The following RNF214 variants were observed in gnomAD, a reference collection of about 807,000 sequenced individuals.
The protein encoded by RNF214 is ring finger protein 214.
RNF214 carries 25 observed loss-of-function variants against 75.9 expected under a neutral mutation model. That is an observed-to-expected ratio of 0.33 (90% CI 0.24 to 0.46). The LOEUF is 0.46. Among genes scored for constraint, RNF214 ranks in the 20% least tolerant of loss-of-function variants. RNF214 has a pLI of 1.00. For missense variants in RNF214, 725 were observed against 857.5 expected, an observed-to-expected ratio of 0.85 and a Z score of 1.93; for synonymous variants, 314 against 308.8, an observed-to-expected ratio of 1.02 and a Z score of -0.18.
chr11:117,241,017 A>G (rs1342291417), intron 4 of RNF214, among the ~76,000 whole-genome samples: 2 of 151,724 alleles, frequency 1.3e-5, no homozygotes, highest in Non-Finnish European at 2.9e-5. Flanking sequence ...CATCTCTACT[A>G]AAAATACAAA....
At chr11:117,277,576 T>G (rs2034038652) in intron 6 of RNF214, among the ~76,000 whole-genome samples, 1 of 152,192 alleles carries the variant, frequency 6.6e-6, no homozygotes, top group Non-Finnish European at 1.5e-5. Flanking sequence ...CAAGAATATG[T>G]GAGAGGAAAG....
intron 6 of RNF214, among the ~76,000 whole-genome samples, chr11:117,252,682 A>G (rs1231656812): frequency 2.6e-5 from 4 of 151,738 alleles, no homozygotes; most frequent in Non-Finnish European, 4.4e-5. Flanking sequence ...CACCACGCCC[A>G]GCTCATTTTT....
At position 117,239,814 on chromosome 11, in the gene RNF214, C is replaced by T; in HGVS notation, c.632C>T (p.Thr211Ile). The T allele has an allele frequency of 6.4e-7, 1 of 1,561,286 alleles. No homozygotes were observed. Among genetic ancestry groups the T allele is most frequent in the Non-Finnish European group, 8.8e-7 (1 of 1,132,180 alleles). ...QNIAVQTDFK[T>I]ADSEVNTDQD... ...TTTCCTTTATAGACTGACTTTAAGACAGCTGATTCAGAGGTAAACACAGAT... is the reference window on the plus strand; with the variant it reads ...TTTCCTTTATAGACTGACTTTAAGATAGCTGATTCAGAGGTAAACACAGAT... The change falls in exon 4 of 15, where the codon ACA becomes ATA. Residue 211 changes from threonine to isoleucine, a missense_variant. Physicochemically the swap from Thr to Ile is moderately conservative, Grantham distance 89. This residue lies in a region of RNF214 where 362 missense variants were observed against 344.5 expected (regional missense o/e 1.05). Transcript: ENST00000300650.
intron 5 of RNF214, among the ~76,000 whole-genome samples, chr11:117,245,485 G>A (rs774392034): frequency 4.0e-5 from 6 of 150,768 alleles, no homozygotes; most frequent in Non-Finnish European, 4.4e-5. Flanking sequence ...GACTACAGGC[G>A]CCCGCCACTA....
intron 2 of RNF214, among the ~76,000 whole-genome samples, chr11:117,234,722 A>G (rs992384540): frequency 5.9e-5 from 9 of 152,242 alleles, no homozygotes; most frequent in African/African-American, 2.2e-4. Context: ...GTACATGGAT[A>G]TCTAAATATG....
chr11:117,232,945 G>A (rs1252829847), intron 1 of RNF214, among the ~76,000 whole-genome samples: 1 of 150,486 alleles, frequency 6.6e-6, no homozygotes, highest in Non-Finnish European at 1.5e-5. Context: ...GGGGTGGAGG[G>A]GGGTCTGGTC....
intron 6 of RNF214, among the ~76,000 whole-genome samples, chr11:117,251,314 C>A (rs1446324650): frequency 8.8e-6 from 1 of 113,624 alleles, no homozygotes; most frequent in Non-Finnish European, 1.8e-5. Context: ...TCCTCACTTC[C>A]CAGTAGGGGC....
At chr11:117,234,936 A>C (rs1368119588) in intron 2 of RNF214, among the ~76,000 whole-genome samples, 1 of 152,228 alleles carries the variant, frequency 6.6e-6, no homozygotes, top group African/African-American at 2.4e-5. Flanking sequence ...TTTATCTGGG[A>C]TAGGCATATG....
At chr11:117,244,095 C>T (rs1416198621) in intron 4 of RNF214, among the ~76,000 whole-genome samples, 2 of 152,200 alleles carry the variant, frequency 1.3e-5, no homozygotes, top group African/African-American at 2.4e-5. Context: ...GATCATCCCA[C>T]CTCAGCCTCC....
intron 1 of RNF214, among the ~76,000 whole-genome samples, chr11:117,233,910 C>T (rs1168159406): frequency 7.9e-5 from 12 of 152,194 alleles, no homozygotes; most frequent in Admixed American, 7.9e-4. Flanking sequence ...AAAAGTACGT[C>T]TTTTATTAAA....
At chr11:117,257,052 T>C (rs2033542930) in intron 6 of RNF214, among the ~76,000 whole-genome samples, 1 of 152,186 alleles carries the variant, frequency 6.6e-6, no homozygotes, top group African/African-American at 2.4e-5. Flanking sequence ...AGAATCATTA[T>C]GGCCTGCCGC....
intron 5 of RNF214, among the ~76,000 whole-genome samples, chr11:117,245,622 G>C (rs889985738): frequency 6.6e-6 from 1 of 152,060 alleles, no homozygotes; most frequent in Non-Finnish European, 1.5e-5. Context: ...GATTACAGGC[G>C]TGAGCCACTG....
At chr11:117,259,595 T>A (rs2033608523) in intron 6 of RNF214, among the ~76,000 whole-genome samples, 1 of 152,192 alleles carries the variant, frequency 6.6e-6, no homozygotes, top group Non-Finnish European at 1.5e-5. Context: ...CATAGTGGTA[T>A]TTCATTGTGT....
intron 6 of RNF214, among the ~76,000 whole-genome samples, chr11:117,247,333 T>C (rs1332282503): frequency 6.6e-6 from 1 of 151,664 alleles, no homozygotes; most frequent in African/African-American, 2.4e-5. Context: ...CTACAAAAAA[T>C]ATTAAAAAAA....
chr11:117,239,767 GA>G (rs1347394132), intron 3 of RNF214, 33 bp from the exon 4 acceptor site: 1 of 1,216,098 alleles, frequency 8.2e-7, no homozygotes, highest in Admixed American at 1.7e-5. Flanking sequence ...AAGTGTCTCT[GA>G]ACGATTCTAA....
intron 8 of RNF214, 21 bp downstream of exon 8, chr11:117,280,280 G>A: frequency 6.6e-7 from 1 of 1,509,572 alleles, no homozygotes; most frequent in Non-Finnish European, 9.2e-7. Context: ...TTCCGTTCTA[G>A]AGCTTTAATT....
At chr11:117,268,601 G>A (rs894260935) in intron 6 of RNF214, among the ~76,000 whole-genome samples, 1 of 152,072 alleles carries the variant, frequency 6.6e-6, no homozygotes, top group Admixed American at 6.6e-5. Context: ...TTGTAACTGT[G>A]TAGTAAATGT....
intron 6 of RNF214, among the ~76,000 whole-genome samples, chr11:117,264,567 C>T (rs1224659051): frequency 2.0e-5 from 3 of 151,980 alleles, no homozygotes; most frequent in Non-Finnish European, 4.4e-5. Flanking sequence ...GGGTGGAGTG[C>T]CCTGAGCCCC....
At chr11:117,270,448 T>C (rs1396692207) in intron 6 of RNF214, among the ~76,000 whole-genome samples, 2 of 151,848 alleles carry the variant, frequency 1.3e-5, no homozygotes, top group African/African-American at 4.8e-5. Flanking sequence ...TTTAATTTTT[T>C]TGAGATGGAG....
Sources: allele counts gnomAD v4.1 joint callset (sites outside exome capture counted in the v4.1 genomes callset), GRCh38; gene constraint gnomAD v4.1.1; regional missense constraint gnomAD v4.1.1; transcripts MANE v1.5; gene names NCBI Gene and HGNC (gene_info 2026-07-23, HGNC 2026-07-21).